PHLPP2: variants seen among roughly 807,000 people sequenced by gnomAD.
The protein encoded by PHLPP2 is PH domain leucine-rich repeat-containing protein phosphatase 2.
A neutral mutation model predicts 124.9 loss-of-function variants in PHLPP2; 66 were observed. That is an observed-to-expected ratio of 0.53 (90% confidence interval 0.43 to 0.65). The LOEUF (loss-of-function observed/expected upper bound fraction) is 0.65, where lower values mean the gene tolerates loss of function less well. Among genes scored for constraint, PHLPP2 ranks in the 30% least tolerant of loss-of-function variants. The pLI is 0.00. For synonymous variants in PHLPP2, 681 were observed against 624.7 expected (o/e 1.09, Z -1.34); for missense variants, 1,685 against 1,600.4 (o/e 1.05, Z -0.90).
At chr16:71,680,611 C>T (rs1376057357) in intron 6 of PHLPP2, among the ~76,000 whole-genome samples, 2 of 152,132 alleles carry the variant, frequency 1.3e-5, no homozygotes, top group South Asian at 2.1e-4. Flanking sequence ...TAGGATACTT[C>T]GTTATTATAC....
chr16:71,649,289 G>C lies in PHLPP2; in HGVS notation c.3573C>G (p.Thr1191=). The C allele has an allele frequency of 6.2e-7, 1 of 1,613,984 alleles. No individual in the cohort carries two copies. The highest frequency in any genetic ancestry group is 8.5e-7 in the Non-Finnish European group (1 of 1,179,994). ...CTCTAGCATGTTCCTCAGAACACAG[G>C]GTAGGAGAACTCTCTATGAGAGGGG... The part of the protein sequence containing the change: ...NSPPLIESSP[T]LCSEEHARGS... Residue 1191 remains threonine (T), a synonymous_variant, in exon 19 of 19, where the codon ACC becomes ACG. Coordinates refer to ENST00000568954, the MANE Select transcript of PHLPP2 (RefSeq NM_015020.3).
At chr16:71,722,836 T>C (rs534686209) in intron 1 of PHLPP2, among the ~76,000 whole-genome samples, 71 of 152,320 alleles carry the variant, frequency 4.7e-4, no homozygotes, top group Non-Finnish European at 4.0e-4. Context: ...TTTCAAATGC[T>C]AGTAAAAAAC....
In PHLPP2 at chr16:71,648,676, A is replaced by G. The variant is rs1567609941; in HGVS notation, c.*214T>C. 1.9e-6 allele frequency: 1 copy of G among 532,964 alleles called. No homozygotes were observed. The highest frequency in any genetic ancestry group is 1.9e-5 in the African/African-American group (1 of 53,078). 33.0% of individuals were successfully genotyped at this position (532,964 alleles called of 1,614,324 possible). On this transcript the variant is annotated 3_prime_UTR_variant, in exon 19 of 19. Coordinates refer to ENST00000568954, the MANE Select transcript of PHLPP2 (RefSeq NM_015020.3). The stretch of plus-strand genomic sequence containing the variant: ...AATCCCAGCTACTCGGGAGGCTGAG[A>G]CAGGAGAATGGCTTGAACCCAGGGA...
In PHLPP2 at chr16:71,652,773, C is replaced by G. The variant is rs763721246; in HGVS notation, c.2817+17G>C. 1.0e-5 allele frequency: 16 copies of G among 1,573,876 alleles called. No individual in the cohort carries two copies. Among genetic ancestry groups the G allele is most frequent in the Non-Finnish European group, 1.4e-5 (16 of 1,143,938 alleles). On this transcript the variant is annotated intron_variant, in intron 18 of 18. Transcript: ENST00000568954. ...TGATTTGGGGAGCAGAAGTGACTGG[C>G]GGGGAGCGGAACACACCTCTGTGAT...
intron 2 of PHLPP2, among the ~76,000 whole-genome samples, chr16:71,709,234 G>C (rs2045307609): frequency 6.6e-6 from 1 of 152,064 alleles, no homozygotes; most frequent in Non-Finnish European, 1.5e-5. Context: ...TCCTAAAACA[G>C]GATGTTTCAT....
At position 71,647,329 on chromosome 16, in the gene PHLPP2, A is replaced by G. The variant is rs2044660525; in HGVS notation, c.*1561T>C. 6.6e-6 allele frequency: 1 copy of G among 151,126 alleles called. No homozygotes were observed. Among genetic ancestry groups the G allele is most frequent in the South Asian group, 2.2e-4 (1 of 4,636 alleles). The allele number at this position is 151,126 out of a possible 1,614,324, so 9.4% of individuals were successfully genotyped here. On this transcript the variant is annotated 3_prime_UTR_variant, in exon 19 of 19. Coordinates refer to ENST00000568954, the MANE Select transcript of PHLPP2 (RefSeq NM_015020.3). Reference sequence around the variant, plus strand: ...GTGCAAAGAGTATAGGTTTTCTGTAAGCTTAAGAATTTCTCAATGAAGTGT... The same window carrying G: ...GTGCAAAGAGTATAGGTTTTCTGTAGGCTTAAGAATTTCTCAATGAAGTGT...
At chr16:71,715,533 G>A (rs1383795238) in intron 1 of PHLPP2, 2 of 151,100 alleles carry the variant, frequency 1.3e-5, no homozygotes, top group African/African-American at 4.9e-5. Flanking sequence ...AAAAAAATTA[G>A]CCAGCTGTGG....
At chr16:71,698,473 G>A (rs2045196447) in intron 3 of PHLPP2, 1 of 750,766 alleles carries the variant, frequency 1.3e-6, no homozygotes, top group Middle Eastern at 3.8e-4. Flanking sequence ...CTCGGCCACA[G>A]TGCCCTGCGG....
chr16:71,691,304 C>CA (rs927216259), intron 3 of PHLPP2, among the ~76,000 whole-genome samples: 1 of 151,430 alleles, frequency 6.6e-6, no homozygotes, highest in Non-Finnish European at 1.5e-5. Context: ...AATACAAAAA[C>CA]AAAAAAATTA....
chr16:71,661,525 T>C (rs1261231537), intron 13 of PHLPP2, among the ~76,000 whole-genome samples: 1 of 152,176 alleles, frequency 6.6e-6, no homozygotes, highest in African/African-American at 2.4e-5. Context: ...CTTCCAGTGG[T>C]CTATTATTTT....
chr16:71,692,734 T>G (rs375996860), intron 3 of PHLPP2, among the ~76,000 whole-genome samples: 1 of 152,328 alleles, frequency 6.6e-6, no homozygotes, highest in East Asian at 1.9e-4. Context: ...CACAACTTCC[T>G]GTATAATTTG....
intron 1 of PHLPP2, among the ~76,000 whole-genome samples, chr16:71,721,188 A>C (rs2045396086): frequency 6.6e-6 from 1 of 151,876 alleles, no homozygotes. Flanking sequence ...CAAAACAAAC[A>C]AACAAAAAAA....
At position 71,684,612 on chromosome 16, in the gene PHLPP2, G is replaced by C. The variant is rs747265109; in HGVS notation, c.610-11C>G. ...CTTCACTTCTTCTATCTGAAGAAGAGGAGGGGAGAAAACCAGAACCACTAA... is the reference window on the plus strand; with the variant it reads ...CTTCACTTCTTCTATCTGAAGAAGACGAGGGGAGAAAACCAGAACCACTAA... On this transcript the variant is annotated splice_polypyrimidine_tract_variant and intron_variant, in intron 4 of 18. Coordinates refer to ENST00000568954, the MANE Select transcript of PHLPP2 (RefSeq NM_015020.3). 1.3e-6 allele frequency: 2 copies of C among 1,598,700 alleles called. No individual in the cohort carries two copies. Among genetic ancestry groups the C allele is most frequent in the South Asian group, 2.2e-5 (2 of 89,482 alleles).
At chr16:71,708,323 G>A (rs1490337702) in intron 2 of PHLPP2, among the ~76,000 whole-genome samples, 2 of 152,266 alleles carry the variant, frequency 1.3e-5, no homozygotes, top group East Asian at 3.9e-4. Context: ...ACATTACCTT[G>A]TGAAATTCCT....
At chr16:71,662,039 G>T (rs1386361379) in intron 13 of PHLPP2, among the ~76,000 whole-genome samples, 1 of 151,714 alleles carries the variant, frequency 6.6e-6, no homozygotes, top group African/African-American at 2.4e-5. Flanking sequence ...GGCCAGAATG[G>T]TCTTGATTTC....
chr16:71,705,317 G>A (rs1388856375), intron 2 of PHLPP2, among the ~76,000 whole-genome samples: 5 of 152,048 alleles, frequency 3.3e-5, no homozygotes, highest in South Asian at 2.1e-4. Flanking sequence ...TAAGGACCAC[G>A]TATTCAGGAC....
At chr16:71,690,801 A>G (rs763075380) in intron 3 of PHLPP2, 92 bp from the exon 4 acceptor site, 12 of 823,762 alleles carry the variant, frequency 1.5e-5, no homozygotes, top group Non-Finnish European at 2.3e-5. Context: ...AACATTCAAC[A>G]ACCTTATTTA....
At chr16:71,693,426 C>T (rs967844626) in intron 3 of PHLPP2, among the ~76,000 whole-genome samples, 5 of 152,162 alleles carry the variant, frequency 3.3e-5, no homozygotes, top group African/African-American at 4.8e-5. Context: ...CTCTTGGGTT[C>T]GCTTTCTCAA....
At chr16:71,709,813 C>G (rs1416628427) in intron 2 of PHLPP2, among the ~76,000 whole-genome samples, 1 of 152,100 alleles carries the variant, frequency 6.6e-6, no homozygotes, top group African/African-American at 2.4e-5. Flanking sequence ...CTTGGCTGTA[C>G]AAGGTTGTCC....
Sources: allele counts gnomAD v4.1 joint callset (sites outside exome capture counted in the v4.1 genomes callset), GRCh38; gene constraint gnomAD v4.1.1; transcripts MANE v1.5; gene names NCBI Gene and HGNC (gene_info 2026-07-23, HGNC 2026-07-21).